The following PIP4P1 variants were observed in gnomAD, a reference collection of about 807,000 sequenced individuals.
The protein encoded by PIP4P1 is phosphatidylinositol-4,5-bisphosphate 4-phosphatase 1.
In PIP4P1, 14 loss-of-function variants were observed where a neutral mutation model predicts 32.3. The observed-to-expected ratio is 0.43, with a 90% CI of 0.29 to 0.68. The LOEUF (loss-of-function observed/expected upper bound fraction) is 0.68. Among genes scored for constraint, PIP4P1 ranks in the 30% least tolerant of loss-of-function variants. The pLI, the probability that PIP4P1 is intolerant of heterozygous loss-of-function variation, is 0.15. For missense variants in PIP4P1, 289 were observed against 364.5 expected (o/e 0.79, Z 1.69); for synonymous variants, 132 against 137.9 (o/e 0.96, Z 0.30).
chr14:20,459,021 C>T, intron 6 of PIP4P1, 185 bp downstream of exon 6: 1 of 655,992 alleles, frequency 1.5e-6, no homozygotes, highest in Non-Finnish European at 2.6e-6. Context: ...GGCTGTTTTT[C>T]ACTCTTGTAG....
In PIP4P1 at chr14:20,458,033, ATACACATCAGTTC is replaced by A. The variant is rs374345168; in HGVS notation, c.*513_*525del. ...AACATATCCCACATTAAATAGTTAT[ATACACATCAGTTC>A]CTGTGGTTCTGTACAGAGCAGCGGC... On this transcript the variant is annotated 3_prime_UTR_variant, in exon 7 of 7. Coordinates refer to ENST00000250489, the MANE Select transcript of PIP4P1 (RefSeq NM_144568.4). 78 of 336,572 alleles carry A rather than the reference ATACACATCAGTTC, an allele frequency of 2.3e-4. No homozygotes were observed. The East Asian group carries it at 5.6e-3, about 24-fold the overall frequency. The allele number at this position is 336,572 out of a possible 1,614,324, so 20.8% of individuals were successfully genotyped here. A position where few individuals can be genotyped will look rare whatever the true frequency, so the allele number is the denominator to read the frequency against.
At position 20,461,383 on chromosome 14, in the gene PIP4P1, T is replaced by TCGCCGCAGCCACCGC. The variant is rs1378738230; in HGVS notation, c.-73_-59dup. 15 of 1,238,686 alleles carry TCGCCGCAGCCACCGC rather than the reference T, an allele frequency of 1.2e-5. No homozygotes were observed. The African/African-American group carries it at 1.6e-4, about 13-fold the overall frequency. The allele number at this position is 1,238,686 out of a possible 1,614,324, so 76.7% of individuals were successfully genotyped here. The stretch of plus-strand genomic sequence containing the variant: ...GATCCGGCTCCCTTCGCCTCTGCCG[T>TCGCCGCAGCCACCGC]CGCCGCAGCCACCGCCACCGCCGCC... On this transcript the variant is annotated 5_prime_UTR_variant, in exon 1 of 7. Transcript: ENST00000250489.
In PIP4P1 at chr14:20,459,374, C is replaced by G; in HGVS notation, c.599+14G>C. ...TCCATACATCAATTACCAGCTCAAT[C>G]CCTAATCACTTACACTTTCCTGCAG... On this transcript the variant is annotated intron_variant, in intron 5 of 6. Coordinates refer to ENST00000250489, the MANE Select transcript of PIP4P1 (RefSeq NM_144568.4). 3 of 1,614,212 alleles carry G rather than the reference C, an allele frequency of 1.9e-6. No homozygotes were observed. The highest frequency in any genetic ancestry group is 2.5e-6 in the Non-Finnish European group (3 of 1,180,046).
Position 20,459,602 on chromosome 14 carries a change from TCCCCTTCCCAATA to T in PIP4P1, c.546+13_546+25del. 1 of 1,598,562 alleles carries T rather than the reference TCCCCTTCCCAATA, an allele frequency of 6.3e-7. No homozygotes were observed. ...AAATGACTCTTAGTCTCCTTTCCCCTCCCCTTCCCAATACCCCTTCCTCACCAGAAAAGTATTC... is the reference window on the plus strand; with the variant it reads ...AAATGACTCTTAGTCTCCTTTCCCCTCCCCTTCCTCACCAGAAAAGTATTC... On this transcript the variant is annotated intron_variant, in intron 4 of 6. Transcript: ENST00000250489.
At position 20,459,617 on chromosome 14, in the gene PIP4P1, C is replaced by T; in HGVS notation, c.546+11G>A. 6.2e-7 allele frequency: 1 copy of T among 1,611,076 alleles called. No individual in the cohort carries two copies. Among genetic ancestry groups the T allele is most frequent in the East Asian group, 2.2e-5 (1 of 44,870 alleles). On this transcript the variant is annotated intron_variant, in intron 4 of 6. Transcript: ENST00000250489. ...TCCTTTCCCCTCCCCTTCCCAATAC[C>T]CCTTCCTCACCAGAAAAGTATTCTT...
At chr14:20,461,017 G>A (rs893135041) in intron 1 of PIP4P1, 167 bp downstream of exon 1, 6 of 1,245,490 alleles carry the variant, frequency 4.8e-6, no homozygotes, top group South Asian at 2.3e-5. Context: ...GGCTGTGGTC[G>A]CGATTACGGA....
chr14:20,461,355 G>T lies in PIP4P1; in HGVS notation c.-30C>A. 1 of 1,263,180 alleles carries T rather than the reference G, an allele frequency of 7.9e-7. No homozygotes were observed. The allele number at this position is 1,263,180 out of a possible 1,614,324, so 78.2% of individuals were successfully genotyped here. A position where few individuals can be genotyped will look rare whatever the true frequency, so the allele number is the denominator to read the frequency against. On this transcript the variant is annotated 5_prime_UTR_variant, in exon 1 of 7. Transcript: ENST00000250489. ...GCCACCGCCGCCTCCCGCTCAGGTC[G>T]GCGATCCGGCTCCCTTCGCCTCTGC...
Position 20,458,012 on chromosome 14 carries a change from T to TATCCCAC in PIP4P1, c.*540_*546dup. The TATCCCAC allele has an allele frequency of 3.2e-6, 1 of 311,802 alleles. No homozygotes were observed. Among genetic ancestry groups the TATCCCAC allele is most frequent in the Non-Finnish European group, 6.2e-6 (1 of 161,600 alleles). 19.3% of individuals were successfully genotyped at this position (311,802 alleles called of 1,614,324 possible). A position where few individuals can be genotyped will look rare whatever the true frequency, so the allele number is the denominator to read the frequency against. The stretch of plus-strand genomic sequence containing the variant: ...AGGGAAATACAGGAATAGGGGAACA[T>TATCCCAC]ATCCCACATTAAATAGTTATATACA... On this transcript the variant is annotated 3_prime_UTR_variant, in exon 7 of 7. Transcript: ENST00000250489.
Position 20,459,642 on chromosome 14 carries a change from T to C in PIP4P1, c.532A>G (p.Lys178Glu). ...MGVRVICGHCKNTFLWTEFTD... is the reference protein window; with the variant it reads ...MGVRVICGHCENTFLWTEFTD... ...CCCTTCCTCACCAGAAAAGTATTCT[T>C]GCAATGTCCACAGATAACCCTGACA... Residue 178 changes from lysine to glutamate, a missense_variant, in exon 4 of 7, where the codon AAG (lysine) becomes GAG (glutamate). Physicochemically the swap from Lys to Glu is moderately conservative, Grantham distance 56 (BLOSUM62 1). Around this residue, in one of 2 missense-constraint regions of PIP4P1, gnomAD observed 181 missense variants for 263.3 expected, o/e 0.69. Coordinates refer to ENST00000250489, the MANE Select transcript of PIP4P1 (RefSeq NM_144568.4). 1 of 1,614,046 alleles carries C rather than the reference T, an allele frequency of 6.2e-7. No homozygotes were observed. The highest frequency in any genetic ancestry group is 8.5e-7 in the Non-Finnish European group (1 of 1,179,936).
rs1306047732 is a variant in PIP4P1 at position 20,457,789 on chromosome 14, AC to A, written c.*769del. The A allele has an allele frequency of 2.1e-6, 1 of 485,954 alleles. No individual in the cohort carries two copies. The highest frequency in any genetic ancestry group is 1.9e-5 in the African/African-American group (1 of 51,322). 30.1% of individuals were successfully genotyped at this position (485,954 alleles called of 1,614,324 possible). A position where few individuals can be genotyped will look rare whatever the true frequency, so the allele number is the denominator to read the frequency against. ...TTCAGCCTTGCTGTCTTCGTGTCTT[AC>A]CCCTTCGTGGGGCTACACATTCTCT... On this transcript the variant is annotated 3_prime_UTR_variant, in exon 7 of 7. Transcript: ENST00000250489.
At chr14:20,460,564 G>A (rs1175236361) in intron 2 of PIP4P1, 91 bp downstream of exon 2, 1 of 1,380,848 alleles carries the variant, frequency 7.2e-7, no homozygotes, top group Non-Finnish European at 9.9e-7. Flanking sequence ...AAAAGCACTT[G>A]GCTAATAGCC....
intron 6 of PIP4P1, 141 bp from the exon 7 acceptor site, chr14:20,458,843 C>T: frequency 3.8e-6 from 4 of 1,051,608 alleles, no homozygotes; most frequent in Non-Finnish European, 4.0e-6. Flanking sequence ...CAGGGACCTT[C>T]TTAAAGGCAG....
In PIP4P1 at chr14:20,460,802, C is replaced by T. The variant is rs1424993807; in HGVS notation, c.186G>A (p.Gly62=). Residue 62 remains glycine (G), a synonymous_variant, in exon 2 of 7, where the codon GGG becomes GGA. Transcript: ENST00000250489. ...FPEGHPAVLP[G]EDPPPYSPLT... is the part of the protein sequence containing the mutation. Reference sequence around the variant, plus strand: ...AGGGTGAATAGGGGGGTGGGTCCTCCCCAGGCAACACGGCTGGATGCCCCT... The same window carrying T: ...AGGGTGAATAGGGGGGTGGGTCCTCTCCAGGCAACACGGCTGGATGCCCCT... The T allele has an allele frequency of 2.5e-6, 4 of 1,587,396 alleles. No homozygotes were observed. Among genetic ancestry groups the T allele is most frequent in the African/African-American group, 2.7e-5 (2 of 73,766 alleles).
intron 6 of PIP4P1, 122 bp downstream of exon 6, chr14:20,459,084 T>G (rs1329491465): frequency 1.9e-6 from 2 of 1,072,418 alleles, no homozygotes; most frequent in Non-Finnish European, 2.7e-6. Flanking sequence ...CATCCATATC[T>G]TAAAACAAAA....
intron 3 of PIP4P1, 47 bp downstream of exon 3, chr14:20,460,145 A>T (rs1323735651): frequency 1.4e-6 from 2 of 1,416,584 alleles, no homozygotes; most frequent in Admixed American, 1.7e-5. Context: ...TCCTTTTTTG[A>T]CTTTCCAGTT....
chr14:20,461,037 G>T, intron 1 of PIP4P1, 147 bp downstream of exon 1: 1 of 1,269,658 alleles, frequency 7.9e-7, no homozygotes, highest in Non-Finnish European at 1.0e-6. Flanking sequence ...AGGGAAGGAA[G>T]CCTCGCCCAG....
chr14:20,460,579 G>C, intron 2 of PIP4P1, 76 bp downstream of exon 2: 1 of 1,490,858 alleles, frequency 6.7e-7, no homozygotes. Flanking sequence ...ATAGCCGGAA[G>C]GTCAGGGTCT....
In PIP4P1 at chr14:20,458,294, G is replaced by GGGCC. The variant is rs1566516707; in HGVS notation, c.*261_*264dup. The GGGCC allele has an allele frequency of 1.6e-6, 1 of 620,686 alleles. No individual in the cohort carries two copies. The highest frequency in any genetic ancestry group is 1.5e-5 in the South Asian group (1 of 66,036). 38.4% of individuals were successfully genotyped at this position (620,686 alleles called of 1,614,324 possible). A position where few individuals can be genotyped will look rare whatever the true frequency, so the allele number is the denominator to read the frequency against. ...AAGGACAAGGCTGGAACCGTCTTCA[G>GGGCC]GGCCCAGTTTTAAGGGCAACGTTTT... On this transcript the variant is annotated 3_prime_UTR_variant, in exon 7 of 7. Coordinates refer to ENST00000250489, the MANE Select transcript of PIP4P1 (RefSeq NM_144568.4).
In PIP4P1 at chr14:20,461,319, C is replaced by T. The variant is rs1881704450; in HGVS notation, c.7G>A (p.Ala3Thr). 2 of 1,285,424 alleles carry T rather than the reference C, an allele frequency of 1.6e-6. No homozygotes were observed. The highest frequency in any genetic ancestry group is 1.5e-5 in the African/African-American group (1 of 66,012). The allele number at this position is 1,285,424 out of a possible 1,614,324, so 79.6% of individuals were successfully genotyped here. The change falls in exon 1 of 7, where the codon GCA (alanine) becomes ACA (threonine). Residue 3 changes from alanine (A) to threonine (T), a missense_variant. This residue lies in a region of PIP4P1 where 108 missense variants were observed against 101.2 expected (regional missense o/e 1.07). Coordinates refer to ENST00000250489, the MANE Select transcript of PIP4P1 (RefSeq NM_144568.4). ...AGCAGCGGGGAACGCTCTCCATCTGCCGCCATGGCCGCCACCGCCGCCTCC... is the reference window on the plus strand; with the variant it reads ...AGCAGCGGGGAACGCTCTCCATCTGTCGCCATGGCCGCCACCGCCGCCTCC... Reference protein sequence around the residue: MAADGERSPLLSE... With the variant: MATDGERSPLLSE...
Sources: gnomAD v4.1 joint callset for allele counts on GRCh38, gnomAD v4.1.1 for gene constraint, gnomAD v4.1.1 regional missense constraint, MANE v1.5 for transcripts, NCBI Gene and HGNC (gene_info 2026-07-23, HGNC 2026-07-21) for gene names.